ATRN: variants seen among roughly 807,000 people sequenced by gnomAD.
The protein encoded by ATRN is attractin, also known as attractin-2.
A neutral mutation model predicts 178.7 loss-of-function variants in ATRN; 54 were observed. The ratio of observed to expected loss-of-function variants is 0.30; its 90% confidence interval spans 0.24 to 0.38. ATRN has a LOEUF of 0.38. Among genes scored for constraint, ATRN ranks in the 10% least tolerant of loss-of-function variants. The pLI is 1.00. For missense variants in ATRN, 1,443 were observed against 1,815.1 expected (o/e 0.79, Z 3.73); for synonymous variants, 636 against 663.0 (o/e 0.96, Z 0.63).
chr20:3,501,859 GGCT>G (rs2084969325), intron 1 of ATRN, among the ~76,000 whole-genome samples: 1 of 152,102 alleles, frequency 6.6e-6, no homozygotes, highest in South Asian at 2.1e-4. Context: ...GGATTTCAGG[GGCT>G]GCAAAGAAAG....
chr20:3,589,091 T>C (rs1568748887), intron 18 of ATRN, among the ~76,000 whole-genome samples: 1 of 148,212 alleles, frequency 6.7e-6, no homozygotes, highest in Non-Finnish European at 1.5e-5. Context: ...CAAGTGATTC[T>C]CCTGCCTCAG....
intron 6 of ATRN, among the ~76,000 whole-genome samples, chr20:3,557,788 A>G (rs1305355178): frequency 6.6e-6 from 1 of 152,254 alleles, no homozygotes; most frequent in African/African-American, 2.4e-5. Context: ...CTTTCAAAGC[A>G]AGAAGTTAGT....
chr20:3,593,527 A>G (rs1454769267), intron 19 of ATRN, among the ~76,000 whole-genome samples: 1 of 152,182 alleles, frequency 6.6e-6, no homozygotes, highest in African/African-American at 2.4e-5. Context: ...AGCCAAGTAG[A>G]GGACGCTGAA....
chr20:3,489,157 C>T (rs1241598291), intron 1 of ATRN, among the ~76,000 whole-genome samples: 4 of 152,162 alleles, frequency 2.6e-5, no homozygotes, highest in South Asian at 2.1e-4. Flanking sequence ...GATGGGGTTT[C>T]ACCATGTTGG....
chr20:3,584,941 C>A, intron 18 of ATRN, 61 bp downstream of exon 18: 1 of 1,500,044 alleles, frequency 6.7e-7, no homozygotes, highest in Non-Finnish European at 9.3e-7. Flanking sequence ...AGAATAAAAC[C>A]TTGAAAGCTA....
At chr20:3,510,700 C>A (rs747912771) in intron 1 of ATRN, among the ~76,000 whole-genome samples, 1 of 152,036 alleles carries the variant, frequency 6.6e-6, no homozygotes. Flanking sequence ...ATACGTTGCC[C>A]ATCTGTCTGA....
chr20:3,586,752 A>G (rs2086362752), intron 18 of ATRN, among the ~76,000 whole-genome samples: 1 of 152,230 alleles, frequency 6.6e-6, no homozygotes, highest in Non-Finnish European at 1.5e-5. Flanking sequence ...TGAAATGTCC[A>G]AAGGCAGAAA....
chr20:3,562,682 A>G (rs2085972371), intron 9 of ATRN, among the ~76,000 whole-genome samples: 1 of 152,178 alleles, frequency 6.6e-6, no homozygotes, highest in South Asian at 2.1e-4. Flanking sequence ...AAATACTTAG[A>G]GTTTTTTAAC....
chr20:3,631,155 G>A (rs2086987132), intron 25 of ATRN, among the ~76,000 whole-genome samples: 1 of 151,410 alleles, frequency 6.6e-6, no homozygotes, highest in African/African-American at 2.4e-5. Flanking sequence ...TCACTATATT[G>A]CCCAGGCTGG....
intron 1 of ATRN, among the ~76,000 whole-genome samples, chr20:3,497,340 C>G (rs1003651278): frequency 1.3e-5 from 2 of 151,880 alleles, no homozygotes; most frequent in African/African-American, 4.8e-5. Context: ...TTCAGGAGCT[C>G]TTTTAGGGCA....
intron 1 of ATRN, among the ~76,000 whole-genome samples, chr20:3,495,478 T>C (rs1361568302): frequency 6.6e-6 from 1 of 152,212 alleles, no homozygotes; most frequent in East Asian, 1.9e-4. Context: ...GGGGCTTTGT[T>C]AGCATATTTT....
intron 25 of ATRN, among the ~76,000 whole-genome samples, chr20:3,633,050 G>A (rs552153206): frequency 6.6e-6 from 1 of 152,264 alleles, no homozygotes; most frequent in South Asian, 2.1e-4. Flanking sequence ...GAATAGAATC[G>A]CTTGAACCTG....
Position 3,549,350 on chromosome 20 carries a change from T to C in ATRN, c.1112+12T>C, listed in dbSNP as rs750811817. On this transcript the variant is annotated intron_variant, in intron 6 of 28. Transcript: ENST00000262919. ...AACATGGTTCTAGCGTAAGTCGTTT[T>C]AAACATTTTTGCAAGAAGCTTAGTT... The C allele has an allele frequency of 2.7e-6, 4 of 1,508,894 alleles. No individual in the cohort carries two copies. In the Admixed American group the frequency reaches 7.9e-5, roughly 30 times the overall value. 93.5% of individuals were successfully genotyped at this position (1,508,894 alleles called of 1,614,324 possible). A position where few individuals can be genotyped will look rare whatever the true frequency, so the allele number is the denominator to read the frequency against.
chr20:3,639,124 T>C (rs583688), intron 27 of ATRN, among the ~76,000 whole-genome samples, 189 bp downstream of exon 27: 79,390 of 152,100 alleles, frequency 0.52, 22,889 homozygotes, highest in East Asian at 0.97. Flanking sequence ...CTTTGTTTCA[T>C]GTCGCTGAGC....
intron 1 of ATRN, 45 bp downstream of exon 1, chr20:3,471,562 G>A: frequency 7.3e-7 from 1 of 1,366,946 alleles, no homozygotes; most frequent in African/African-American, 1.5e-5. Context: ...ACCAGAGGCT[G>A]GGGCTGAGGG....
intron 1 of ATRN, 133 bp from the exon 2 acceptor site, chr20:3,535,120 A>G (rs958577843): frequency 7.3e-6 from 2 of 274,890 alleles, no homozygotes; most frequent in South Asian, 2.1e-4. Context: ...GTGTTTGTTA[A>G]TGTACCCATT....
chr20:3,527,881 A>G (rs553338807), intron 1 of ATRN, among the ~76,000 whole-genome samples: 1 of 147,596 alleles, frequency 6.8e-6, no homozygotes, highest in Admixed American at 6.7e-5. Flanking sequence ...GAACACATGA[A>G]CACAGGGAGG....
At chr20:3,476,087 G>T (rs1431886702) in intron 1 of ATRN, among the ~76,000 whole-genome samples, 1 of 152,232 alleles carries the variant, frequency 6.6e-6, no homozygotes, top group Non-Finnish European at 1.5e-5. Context: ...TGAGGCTGCA[G>T]TGAGCCATAA....
chr20:3,537,945 CT>C lies in ATRN; in HGVS notation c.495-2269del, dbSNP rs1009073154. On this transcript the variant is annotated intron_variant, in intron 2 of 28. Coordinates refer to ENST00000262919, the MANE Select transcript of ATRN (RefSeq NM_139321.3). Reference sequence around the variant, plus strand: ...TTTTTTATTATTATTTTTTTCATTTCTTTTTTTTATTTTTTAATTTTTTTAT... The same window carrying C: ...TTTTTTATTATTATTTTTTTCATTTCTTTTTTTATTTTTTAATTTTTTTAT... Among the ~76,000 whole-genome samples, 22 of 142,552 alleles carry C rather than the reference CT, an allele frequency of 1.5e-4. No individual in the cohort carries two copies. The South Asian group carries it at 1.8e-3, about 11-fold the overall frequency. The allele number at this position is 142,552 out of a possible 152,430, so 93.5% of individuals were successfully genotyped here.
Sources: allele counts gnomAD v4.1 joint callset (sites outside exome capture counted in the v4.1 genomes callset), GRCh38; gene constraint gnomAD v4.1.1; transcripts MANE v1.5; gene names NCBI Gene and HGNC (gene_info 2026-07-23, HGNC 2026-07-21).